CCDC83: variants seen among roughly 807,000 people sequenced by gnomAD.
CCDC83 encodes coiled-coil domain containing 83.
A neutral mutation model predicts 50.1 loss-of-function variants in CCDC83; 54 were observed. That is an observed-to-expected ratio of 1.08 (90% confidence interval 0.87 to 1.35). The LOEUF (loss-of-function observed/expected upper bound fraction) is 1.35. Among genes scored for constraint, CCDC83 ranks in the 40% most tolerant of loss-of-function variants. CCDC83 has a pLI of 0.00. For synonymous variants in CCDC83, 161 were observed against 153.3 expected, an observed-to-expected ratio of 1.05 and a Z score of -0.37; for missense variants, 518 against 473.9, an observed-to-expected ratio of 1.09 and a Z score of -0.86.
At chr11:85,858,445 G>C (rs1384698959) in intron 1 of CCDC83, among the ~76,000 whole-genome samples, 3 of 152,134 alleles carry the variant, frequency 2.0e-5, no homozygotes, top group African/African-American at 7.2e-5. Flanking sequence ...TCCTCCCTAA[G>C]AGCAAATGGC....
intron 2 of CCDC83, among the ~76,000 whole-genome samples, chr11:85,868,606 T>A (rs2093220798): frequency 6.6e-6 from 1 of 152,198 alleles, no homozygotes; most frequent in Non-Finnish European, 1.5e-5. Flanking sequence ...GAACTCCTGA[T>A]CTTGGCCTCC....
chr11:85,888,575 T>G (rs777118462), intron 5 of CCDC83, among the ~76,000 whole-genome samples: 1 of 152,220 alleles, frequency 6.6e-6, no homozygotes. Flanking sequence ...ATTAGTTTTT[T>G]TGTTTGTGGG....
At chr11:85,880,936 T>C (rs1445515684) in intron 3 of CCDC83, among the ~76,000 whole-genome samples, 2 of 152,308 alleles carry the variant, frequency 1.3e-5, no homozygotes, top group African/African-American at 4.8e-5. Context: ...CTTATACACA[T>C]AGCCTGAAGT....
rs979498959 is a variant in CCDC83 at position 85,855,463 on chromosome 11, G to A, written c.-150G>A. ...GCCCACTCCTCTTCTCCACCCAGGA[G>A]ATGAGAAGGAGGGCAGGCCTTTTTA... On this transcript the variant is annotated 5_prime_UTR_variant, in exon 1 of 11. Coordinates refer to ENST00000342404, the MANE Select transcript of CCDC83 (RefSeq NM_001286159.2). 6.6e-6 allele frequency: 1 copy of A among 152,280 alleles called. No homozygotes were observed. The highest frequency in any genetic ancestry group is 6.5e-5 in the Admixed American group (1 of 15,288). The allele number at this position is 152,280 out of a possible 1,614,324, so 9.4% of individuals were successfully genotyped here. A position where few individuals can be genotyped will look rare whatever the true frequency, so the allele number is the denominator to read the frequency against.
At position 85,882,568 on chromosome 11, in the gene CCDC83, T is replaced by C. The variant is rs1476523567; in HGVS notation, c.236T>C (p.Leu79Pro). Reference sequence around the variant, plus strand: ...CACATACGGCATCTACTAAAGGAACTGAGTGAAGAGAAGGCAGAGGGATTG... The same window carrying C: ...CACATACGGCATCTACTAAAGGAACCGAGTGAAGAGAAGGCAGAGGGATTG... ...IWHIRHLLKELSEEKAEGLPV... is the reference protein window; with the variant it reads ...IWHIRHLLKEPSEEKAEGLPV... Residue 79 changes from leucine to proline, a missense_variant, in exon 4 of 11, where the codon CTG becomes CCG. Leu to Pro is a moderately conservative substitution (Grantham distance 98). Transcript: ENST00000342404. The C allele has an allele frequency of 6.2e-7, 1 of 1,613,682 alleles. No individual in the cohort carries two copies. Among genetic ancestry groups the C allele is most frequent in the Non-Finnish European group, 8.5e-7 (1 of 1,179,854 alleles).
At chr11:85,911,668 T>C (rs775400239) in intron 8 of CCDC83, among the ~76,000 whole-genome samples, 5 of 152,186 alleles carry the variant, frequency 3.3e-5, no homozygotes, top group Non-Finnish European at 7.3e-5. Context: ...ACTGCCAACA[T>C]TCAGGAGCCT....
intron 1 of CCDC83, 27 bp from the exon 2 acceptor site, chr11:85,865,069 A>T: frequency 9.3e-7 from 1 of 1,080,856 alleles, no homozygotes; most frequent in Non-Finnish European, 1.4e-6. Context: ...GGAATTTTTC[A>T]CTTTCGTATG....
intron 7 of CCDC83, among the ~76,000 whole-genome samples, chr11:85,902,031 A>G (rs2093404881): frequency 6.6e-6 from 1 of 152,102 alleles, no homozygotes; most frequent in African/African-American, 2.4e-5. Context: ...TCAAAGAAAG[A>G]AAAAAGAAAG....
rs149224665 is a variant in CCDC83 at position 85,884,853 on chromosome 11, G to A, written c.344-1347G>A. Among the ~76,000 whole-genome samples the A allele has an allele frequency of 2.6e-5, 4 of 152,280 alleles. 1 individual carries two copies. In the East Asian group the frequency reaches 7.7e-4, roughly 29 times the overall value. On this transcript the variant is annotated intron_variant, in intron 4 of 10. Coordinates refer to ENST00000342404, the MANE Select transcript of CCDC83 (RefSeq NM_001286159.2). ...CGAATGAGAGAACAACTACCCATCT[G>A]GCTTATAGTAGTACTGATAATTGTT...
chr11:85,917,931 G>C (rs1272106403), intron 10 of CCDC83: 1 of 152,150 alleles, frequency 6.6e-6, no homozygotes, highest in Non-Finnish European at 1.5e-5. Context: ...TTTTGATGTA[G>C]TCAAACTGCC....
At chr11:85,915,228 G>A (rs1306081010) in intron 8 of CCDC83, among the ~76,000 whole-genome samples, 191 bp from the exon 9 acceptor site, 1 of 152,140 alleles carries the variant, frequency 6.6e-6, no homozygotes, top group Non-Finnish European at 1.5e-5. Context: ...TACCCATCAT[G>A]GTACACACCA....
At chr11:85,872,488 A>C (rs2093244522) in intron 2 of CCDC83, among the ~76,000 whole-genome samples, 1 of 151,668 alleles carries the variant, frequency 6.6e-6, no homozygotes, top group Admixed American at 6.6e-5. Context: ...CCATCTCAAA[A>C]CAACAACAAC....
chr11:85,908,405 T>C (rs977681195), intron 7 of CCDC83, among the ~76,000 whole-genome samples: 4 of 151,588 alleles, frequency 2.6e-5, no homozygotes, highest in Non-Finnish European at 2.9e-5. Flanking sequence ...GCAAAAAAAA[T>C]AGCTGGGCAT....
rs559612741 is a variant in CCDC83 at position 85,912,915 on chromosome 11, A to C, written c.794+1513A>C. On this transcript the variant is annotated intron_variant, in intron 8 of 10. Coordinates refer to ENST00000342404, the MANE Select transcript of CCDC83 (RefSeq NM_001286159.2). The stretch of plus-strand genomic sequence containing the variant: ...CTGACATGGTTGTAAAGTGCTAATA[A>C]TTCTAAAAAAGGGAATTATTTCATT... Among the ~76,000 whole-genome samples the C allele has an allele frequency of 2.4e-4, 36 of 152,334 alleles. 1 individual carries two copies. Among genetic ancestry groups the C allele is most frequent in the Non-Finnish European group, 2.9e-5 (2 of 68,026 alleles).
At chr11:85,900,989 C>T (rs541237137) in intron 7 of CCDC83, among the ~76,000 whole-genome samples, 1 of 151,496 alleles carries the variant, frequency 6.6e-6, no homozygotes, top group African/African-American at 2.4e-5. Context: ...CGCTTGAGCC[C>T]GGGAGGCAGA....
At chr11:85,901,517 C>G (rs1254404086) in intron 7 of CCDC83, among the ~76,000 whole-genome samples, 1 of 149,988 alleles carries the variant, frequency 6.7e-6, no homozygotes, top group African/African-American at 2.5e-5. Context: ...AGGCTGCAGT[C>G]AGCTGTGATT....
intron 1 of CCDC83, among the ~76,000 whole-genome samples, chr11:85,858,226 T>C (rs759448507): frequency 6.6e-5 from 10 of 152,284 alleles, no homozygotes; most frequent in African/African-American, 1.2e-4. Context: ...TACCAGGTTA[T>C]GGTTCTCTTC....
Position 85,895,361 on chromosome 11 carries a change from C to T in CCDC83, c.580C>T (p.Gln194Ter). Residue 194 changes from glutamine to a stop codon, truncating the protein, a stop_gained, in exon 6 of 11, where the codon CAA (glutamine) becomes TAA (stop). Transcript: ENST00000342404. LOFTEE classifies it high-confidence loss of function. Reference sequence around the variant, plus strand: ...CAAGGAAACTTTGTTGCAACTGGACCAAAAGAAGGAATGGGCCACACAGGT... The same window carrying T: ...CAAGGAAACTTTGTTGCAACTGGACTAAAAGAAGGAATGGGCCACACAGGT... ...IIKETLLQLD[Q>*]KKEWATQNAV... 3 of 1,559,786 alleles carry T rather than the reference C, an allele frequency of 1.9e-6. No homozygotes were observed. Among genetic ancestry groups the T allele is most frequent in the South Asian group, 2.3e-5 (2 of 87,486 alleles).
chr11:85,860,803 C>T (rs1052642052), intron 1 of CCDC83, among the ~76,000 whole-genome samples: 11 of 152,154 alleles, frequency 7.2e-5, no homozygotes, highest in African/African-American at 2.7e-4. Context: ...GCTACACAGC[C>T]ATAAAAAGAA....
Sources: gnomAD v4.1 joint callset for allele counts (sites outside exome capture counted in the v4.1 genomes callset) on GRCh38, gnomAD v4.1.1 for gene constraint, MANE v1.5 for transcripts, NCBI Gene and HGNC (gene_info 2026-07-23, HGNC 2026-07-21) for gene names.